NME8: variants seen among roughly 807,000 people sequenced by gnomAD.
NME8 encodes the protein protein NME8.
Under a neutral mutation model 82.3 loss-of-function variants are expected in NME8, and 72 were observed. The ratio of observed to expected loss-of-function variants is 0.87; its 90% CI spans 0.72 to 1.06. The LOEUF (loss-of-function observed/expected upper bound fraction) is 1.06, where lower values mean the gene tolerates loss of function less well. NME8 is among the 50% of genes least tolerant of loss of function. The probability of loss-of-function intolerance (pLI) is 0.00; values close to 1 mark genes in which losing one functional copy is unlikely to be tolerated. For missense variants in NME8, 712 were observed against 685.4 expected, an observed-to-expected ratio of 1.04 and a Z score of -0.43; for synonymous variants, 267 against 228.5, an observed-to-expected ratio of 1.17 and a Z score of -1.52.
intron 15 of NME8, among the ~76,000 whole-genome samples, chr7:37,888,779 T>G (rs559040349): frequency 6.6e-6 from 1 of 152,252 alleles, no homozygotes; most frequent in South Asian, 2.1e-4. Context: ...TTGAATTATA[T>G]CCTTCCATTC....
At chr7:37,866,859 A>G (rs1429872365) in intron 10 of NME8, among the ~76,000 whole-genome samples, 1 of 152,178 alleles carries the variant, frequency 6.6e-6, no homozygotes, top group African/African-American at 2.4e-5. Context: ...TGAGACATCA[A>G]TCAATATGTG....
intron 11 of NME8, among the ~76,000 whole-genome samples, chr7:37,876,229 T>TATATAGATAGATAGATAG (rs1044568242): frequency 1.4e-5 from 2 of 146,128 alleles, no homozygotes; most frequent in African/African-American, 5.1e-5. Flanking sequence ...TATATATATA[T>TATATAGATAGATAGATAG]ATAGATAGAT....
At chr7:37,867,417 T>C (rs1164599375) in intron 10 of NME8, among the ~76,000 whole-genome samples, 2 of 152,120 alleles carry the variant, frequency 1.3e-5, no homozygotes, top group African/African-American at 4.8e-5. Context: ...AAGAGATTTA[T>C]TTTTCTAAGG....
intron 15 of NME8, among the ~76,000 whole-genome samples, 154 bp downstream of exon 15, chr7:37,888,582 A>G (rs1399268247): frequency 1.3e-5 from 2 of 152,118 alleles, no homozygotes; most frequent in Admixed American, 6.6e-5. Context: ...AGATTCAACA[A>G]TTAACTTTGT....
Position 37,853,432 on chromosome 7 carries a change from A to G in NME8, c.198+2697A>G, listed in dbSNP as rs549833197. 3.9e-5 allele frequency among the ~76,000 whole-genome samples: 6 copies of G among 152,296 alleles called. No homozygotes were observed. In the South Asian group the frequency reaches 8.3e-4, roughly 21 times the overall value. ...AAAAATCAAGTTAGAAGACCAGAGA[A>G]TAGAGCCTAAAGGAGATTGCCACAT... On this transcript the variant is annotated intron_variant, in intron 5 of 17. Transcript: ENST00000199447.
rs1260102435 is a variant in NME8 at position 37,870,099 on chromosome 7, C to T, written c.818+2201C>T. On this transcript the variant is annotated intron_variant, in intron 11 of 17. Transcript: ENST00000199447. The stretch of plus-strand genomic sequence containing the variant: ...TCCTTTACTGTCCTTCAACAGAATT[C>T]TTCTCCCTGCTCCCATTACCTGTTT... Among the ~76,000 whole-genome samples, 9 of 152,202 alleles carry T rather than the reference C, an allele frequency of 5.9e-5. No homozygotes were observed. The East Asian group carries it at 9.6e-4, about 16-fold the overall frequency.
In NME8 at chr7:37,884,332, G is replaced by C; in HGVS notation, c.1024G>C (p.Asp342His). 2 of 1,593,956 alleles carry C rather than the reference G, an allele frequency of 1.3e-6. No individual in the cohort carries two copies. Among genetic ancestry groups the C allele is most frequent in the African/African-American group, 2.7e-5 (2 of 74,578 alleles). ...DDVLRIIKDE[D>H]FKILEQRQVV... ...TGTTTTGCGTATTATTAAAGATGAA[G>C]ACTTCAAAATACTGGAGCAAAGACA... The change falls in exon 13 of 18, where the codon GAC becomes CAC. Residue 342 changes from aspartate (D) to histidine (H), a missense_variant. Physicochemically the swap from Asp to His is moderately conservative, Grantham distance 81. Transcript: ENST00000199447.
chr7:37,856,940 T>A (rs1310188285), intron 5 of NME8, among the ~76,000 whole-genome samples: 1 of 152,052 alleles, frequency 6.6e-6, no homozygotes, highest in Non-Finnish European at 1.5e-5. Context: ...GAACGAGAGA[T>A]GATTTACAGC....
Position 37,857,418 on chromosome 7 carries a change from T to C in NME8, c.270+73T>C, listed in dbSNP as rs1038333726. ...GTTAAGAACAAGTAACATTGTAAAA[T>C]TACCATGAAATTGTTTGCCAATGAC... On this transcript the variant is annotated intron_variant, in intron 6 of 17. Transcript: ENST00000199447. 3.1e-6 allele frequency: 3 copies of C among 980,930 alleles called. No individual in the cohort carries two copies. The African/African-American group carries it at 4.8e-5, about 16-fold the overall frequency. 60.8% of individuals were successfully genotyped at this position (980,930 alleles called of 1,614,324 possible).
intron 12 of NME8, among the ~76,000 whole-genome samples, chr7:37,880,418 A>G (rs991192941): frequency 1.3e-5 from 2 of 152,152 alleles, no homozygotes; most frequent in African/African-American, 4.8e-5. Context: ...TTGAGAGGGT[A>G]TTTCTAATTA....
intron 11 of NME8, among the ~76,000 whole-genome samples, chr7:37,872,988 G>A (rs559356693): frequency 1.3e-4 from 20 of 152,262 alleles, no homozygotes; most frequent in African/African-American, 4.1e-4. Context: ...ACCCAGAGCA[G>A]ATCATCTTAA....
rs1325248311 is a variant in NME8, at chr7:37,896,757, A to G, written c.1545-113A>G. 24 of 869,992 alleles carry G rather than the reference A, an allele frequency of 2.8e-5. No homozygotes were observed. The Admixed American group carries it at 4.2e-4, about 15-fold the overall frequency. The allele number at this position is 869,992 out of a possible 1,614,324, so 53.9% of individuals were successfully genotyped here. A position where few individuals can be genotyped will look rare whatever the true frequency, so the allele number is the denominator to read the frequency against. Reference sequence around the variant, plus strand: ...AGTACATGATTGCACTGATAAGGACAAAGAATAAAAAGGAGCTCCCTGGCT... The same window carrying G: ...AGTACATGATTGCACTGATAAGGACGAAGAATAAAAAGGAGCTCCCTGGCT... On this transcript the variant is annotated intron_variant, in intron 16 of 17. Transcript: ENST00000199447.
chr7:37,857,352 A>T lies in NME8; in HGVS notation c.270+7A>T. 6.3e-7 allele frequency: 1 copy of T among 1,577,100 alleles called. No individual in the cohort carries two copies. The highest frequency in any genetic ancestry group is 2.2e-5 in the East Asian group (1 of 44,532). ...TGTTTTTCTCTTTAGTGTTGTAAGTATATTTACTTTCTCAATTGCATTATC... is the reference window on the plus strand; with the variant it reads ...TGTTTTTCTCTTTAGTGTTGTAAGTTTATTTACTTTCTCAATTGCATTATC... On this transcript the variant is annotated splice_region_variant and intron_variant, in intron 6 of 17. Coordinates refer to ENST00000199447, the MANE Select transcript of NME8 (RefSeq NM_016616.5).
intron 8 of NME8, 124 bp downstream of exon 8, chr7:37,863,586 A>C (rs1784631444): frequency 2.8e-6 from 2 of 709,464 alleles, no homozygotes; most frequent in Middle Eastern, 4.9e-4. Context: ...TTATTCAGAT[A>C]AATGATGATT....
chr7:37,864,291 T>C (rs1377032315), intron 8 of NME8, 57 bp from the exon 9 acceptor site: 1 of 1,544,130 alleles, frequency 6.5e-7, no homozygotes, highest in Non-Finnish European at 8.8e-7. Flanking sequence ...GATCCTTCAT[T>C]ATCCAGACTT....
At chr7:37,864,732 AAG>A (rs1270184838) in intron 9 of NME8, among the ~76,000 whole-genome samples, 1 of 152,188 alleles carries the variant, frequency 6.6e-6, no homozygotes, top group Non-Finnish European at 1.5e-5. Flanking sequence ...CAATTTACAA[AAG>A]AGAGAGGTTT....
intron 14 of NME8, among the ~76,000 whole-genome samples, chr7:37,886,144 T>G (rs1785036541): frequency 6.6e-6 from 1 of 152,232 alleles, no homozygotes; most frequent in African/African-American, 2.4e-5. Flanking sequence ...AATTATGTCT[T>G]TGCTTATGTG....
intron 12 of NME8, 129 bp from the exon 13 acceptor site, chr7:37,884,174 T>C (rs563517535): frequency 3.0e-6 from 2 of 677,356 alleles, no homozygotes; most frequent in South Asian, 1.7e-5. Context: ...AGAAGGTATT[T>C]CTGCAAACTT....
intron 14 of NME8, among the ~76,000 whole-genome samples, chr7:37,885,758 C>G (rs2131968494): frequency 6.6e-6 from 1 of 152,278 alleles, no homozygotes; most frequent in East Asian, 1.9e-4. Context: ...AGGGGGAACT[C>G]TTTCAATATT....
Sources: gnomAD v4.1 joint callset for allele counts (sites outside exome capture counted in the v4.1 genomes callset) on GRCh38, gnomAD v4.1.1 for gene constraint, MANE v1.5 for transcripts, NCBI Gene and HGNC (gene_info 2026-07-23, HGNC 2026-07-21) for gene names.